RHOU: variants seen among roughly 807,000 people sequenced by gnomAD.
RHOU encodes rho-related GTP-binding protein RhoU.
A neutral mutation model predicts 12.6 loss-of-function variants in RHOU; 8 were observed. The observed-to-expected ratio is 0.64, with a 90% CI of 0.37 to 1.15. The LOEUF is 1.15. Ranked by LOEUF, RHOU falls within the 50% of genes most tolerant of loss-of-function variation. The probability of loss-of-function intolerance (pLI) is 0.01; values close to 1 mark genes in which losing one functional copy is unlikely to be tolerated. For missense variants in RHOU, 258 were observed against 347.0 expected, an observed-to-expected ratio of 0.74 and a Z score of 2.04; for synonymous variants, 161 against 147.4, an observed-to-expected ratio of 1.09 and a Z score of -0.67.
chr1:228,702,268 C>G, the RHOU span, among the ~76,000 whole-genome samples: 1 of 151,960 alleles, frequency 6.6e-6, no homozygotes, highest in Non-Finnish European at 1.5e-5. Context: ...AATGTTTTTC[C>G]CAGTCATCCT....
chr1:228,707,846 A>G, the RHOU span, among the ~76,000 whole-genome samples: 1 of 152,170 alleles, frequency 6.6e-6, no homozygotes, highest in Non-Finnish European at 1.5e-5. Flanking sequence ...GGCTTCAGAC[A>G]ATCAAATTAC....
At chr1:228,673,897 G>A in the RHOU span, among the ~76,000 whole-genome samples, 15 of 152,306 alleles carry the variant, frequency 9.8e-5, no homozygotes, top group East Asian at 1.9e-4. Flanking sequence ...TCTATTGAGC[G>A]TATCTAGTGC....
the RHOU span, among the ~76,000 whole-genome samples, chr1:228,696,859 T>C: frequency 6.6e-6 from 1 of 152,198 alleles, no homozygotes; most frequent in Admixed American, 6.5e-5. Flanking sequence ...GGGTATATCT[T>C]TGATCATTCC....
the RHOU span, among the ~76,000 whole-genome samples, chr1:228,676,574 T>C: frequency 6.6e-6 from 1 of 152,180 alleles, no homozygotes; most frequent in Non-Finnish European, 1.5e-5. Context: ...CACACGTCCA[T>C]GTGAGGAGAC....
At chr1:228,646,968 G>A in the RHOU span, among the ~76,000 whole-genome samples, 96 of 152,250 alleles carry the variant, frequency 6.3e-4, no homozygotes, top group Admixed American at 1.0e-3. Context: ...GAGAAAGGGA[G>A]AAGTACAGAG....
At chr1:228,736,367 C>T (rs914677333) in intron 1 of RHOU, among the ~76,000 whole-genome samples, 27 of 152,154 alleles carry the variant, frequency 1.8e-4, no homozygotes, top group African/African-American at 6.5e-4. Flanking sequence ...GCAAAGTTTC[C>T]TGAGGGCGAC....
the RHOU span, among the ~76,000 whole-genome samples, chr1:228,721,176 C>A: frequency 6.7e-4 from 102 of 152,242 alleles, no homozygotes; most frequent in Middle Eastern, 0.01. Flanking sequence ...GTGGCAGGTG[C>A]CTGTAATCCC....
intron 2 of RHOU, among the ~76,000 whole-genome samples, chr1:228,739,958 T>C (rs1322034399): frequency 2.0e-5 from 3 of 152,128 alleles, no homozygotes; most frequent in Non-Finnish European, 2.9e-5. Flanking sequence ...ACTTACAGTG[T>C]GGAGGGAAGA....
chr1:228,681,307 A>G, the RHOU span, among the ~76,000 whole-genome samples: 1 of 152,056 alleles, frequency 6.6e-6, no homozygotes. Context: ...GAGTTAATAG[A>G]AGGGTTATAG....
the RHOU span, among the ~76,000 whole-genome samples, chr1:228,647,700 G>C: frequency 6.6e-6 from 1 of 152,200 alleles, no homozygotes; most frequent in Non-Finnish European, 1.5e-5. Flanking sequence ...TCTGAGGCGT[G>C]GTGTTTCTGC....
chr1:228,710,436 G>A, the RHOU span, among the ~76,000 whole-genome samples: 2 of 152,048 alleles, frequency 1.3e-5, no homozygotes, highest in Admixed American at 1.3e-4. Flanking sequence ...ACTGAATCCA[G>A]CAGCACATCA....
At chr1:228,679,891 C>T in the RHOU span, among the ~76,000 whole-genome samples, 3,182 of 151,860 alleles carry the variant, frequency 0.021, 156 homozygotes, top group East Asian at 0.17. Context: ...ATGGCTGTAG[C>T]CTAGGAATAG....
At chr1:228,729,358 T>A in the RHOU span, among the ~76,000 whole-genome samples, 1 of 152,246 alleles carries the variant, frequency 6.6e-6, no homozygotes, top group Non-Finnish European at 1.5e-5. Context: ...AATTAACTCA[T>A]CCATTTTACT....
the RHOU span, among the ~76,000 whole-genome samples, chr1:228,723,697 A>G: frequency 6.6e-6 from 1 of 152,266 alleles, no homozygotes; most frequent in African/African-American, 2.4e-5. Context: ...GCCGTAAAAG[A>G]AATGAAAACT....
chr1:228,741,926 G>A (rs887163159), intron 2 of RHOU, among the ~76,000 whole-genome samples: 5 of 152,170 alleles, frequency 3.3e-5, no homozygotes, highest in Non-Finnish European at 2.9e-5. Context: ...GTTGGCTGTC[G>A]TCCCGTAATT....
At chr1:228,728,075 T>A in the RHOU span, among the ~76,000 whole-genome samples, 8 of 152,144 alleles carry the variant, frequency 5.3e-5, no homozygotes, top group Non-Finnish European at 8.8e-5. Flanking sequence ...CAGCTCCAGG[T>A]CCCAGGGAAT....
In RHOU at chr1:228,743,681, C is replaced by T. The variant is rs771172299; in HGVS notation, c.718C>T (p.Pro240Ser). 1 of 1,614,008 alleles carries T rather than the reference C, an allele frequency of 6.2e-7. No homozygotes were observed. ...QQPKKSKSRT[P>S]DKMKNLSKSW... ...GCCAAAGAAGTCTAAAAGCAGGACTCCAGATAAAATGAAAAACCTCTCCAA... is the reference window on the plus strand; with the variant it reads ...GCCAAAGAAGTCTAAAAGCAGGACTTCAGATAAAATGAAAAACCTCTCCAA... Residue 240 changes from proline to serine, a missense_variant, in exon 3 of 3, where the codon CCA (proline) becomes TCA (serine). Coordinates refer to ENST00000366691, the MANE Select transcript of RHOU (RefSeq NM_021205.6). This position sits in a 1 kb window ranked among gnomAD's most constrained non-coding sequence, Gnocchi z 5.1.
the RHOU span, chr1:228,650,951 C>A: frequency 2.8e-6 from 1 of 360,392 alleles, no homozygotes. Flanking sequence ...CTCTCACTTT[C>A]AAGAAGCAAT....
the RHOU span, among the ~76,000 whole-genome samples, chr1:228,661,520 C>T: frequency 1.3e-5 from 2 of 152,132 alleles, no homozygotes; most frequent in Non-Finnish European, 2.9e-5. Flanking sequence ...TCAGAAATAA[C>T]ACCACACACC....
Sources: allele counts gnomAD v4.1 joint callset (sites outside exome capture counted in the v4.1 genomes callset), GRCh38; gene constraint gnomAD v4.1.1; non-coding constraint Gnocchi (gnomAD v3.1); transcripts MANE v1.5; gene names NCBI Gene and HGNC (gene_info 2026-07-23, HGNC 2026-07-21).